The following CDH13 variants were observed in gnomAD, a reference collection of about 807,000 sequenced individuals.
CDH13 encodes the protein cadherin 13.
In CDH13, 24 loss-of-function variants were observed where a neutral mutation model predicts 63.8. The ratio of observed to expected loss-of-function variants is 0.38; its 90% CI spans 0.27 to 0.53. CDH13 has a LOEUF of 0.53. Ranked by LOEUF, CDH13 falls within the 20% of genes least tolerant of loss-of-function variation. CDH13 has a pLI of 0.85. For synonymous variants in CDH13, 503 were observed against 355.3 expected (o/e 1.42, Z -4.67); for missense variants, 1,049 against 903.1 (o/e 1.16, Z -2.07).
intron 2 of CDH13, among the ~76,000 whole-genome samples, chr16:83,006,597 G>C (rs544491613): frequency 6.6e-6 from 1 of 152,190 alleles, no homozygotes; most frequent in South Asian, 2.1e-4. Flanking sequence ...CCCAATGAGG[G>C]TTATTCACTT....
intron 2 of CDH13, among the ~76,000 whole-genome samples, chr16:82,874,919 A>G (rs556025775): frequency 6.6e-6 from 1 of 152,298 alleles, no homozygotes; most frequent in African/African-American, 2.4e-5. Context: ...CCAGATGGAT[A>G]CTCATGGGGA....
intron 2 of CDH13, among the ~76,000 whole-genome samples, chr16:82,968,486 C>A (rs1164716604): frequency 1.3e-5 from 2 of 152,198 alleles, no homozygotes; most frequent in Non-Finnish European, 2.9e-5. Flanking sequence ...ACTCATGGCC[C>A]TGCCAGCGGC....
At position 83,200,921 on chromosome 16, in the gene CDH13, A is replaced by ATGTGTGTGTGTG. The variant is rs374017580; in HGVS notation, c.484-16384_484-16373dup. Among the ~76,000 whole-genome samples, 306 of 129,732 alleles carry ATGTGTGTGTGTG rather than the reference A, an allele frequency of 2.4e-3. 2 individuals are homozygous for ATGTGTGTGTGTG. Among genetic ancestry groups the ATGTGTGTGTGTG allele is most frequent in the Middle Eastern group, 4.1e-3 (1 of 242 alleles). The allele number at this position is 129,732 out of a possible 152,430, so 85.1% of individuals were successfully genotyped here. A position where few individuals can be genotyped will look rare whatever the true frequency, so the allele number is the denominator to read the frequency against. On this transcript the variant is annotated intron_variant, in intron 4 of 13. Coordinates refer to ENST00000567109, the MANE Select transcript of CDH13 (RefSeq NM_001257.5). ...GGAGCAAGATTCTCTAGTCTTAAAAATGTGTGTGTGTGTGTGTGTGTGTGT... is the reference window on the plus strand; with the variant it reads ...GGAGCAAGATTCTCTAGTCTTAAAAATGTGTGTGTGTGTGTGTGTGTGTGTGTGTGTGTGTGT...
At chr16:82,995,317 T>G (rs985438757) in intron 2 of CDH13, among the ~76,000 whole-genome samples, 1 of 152,224 alleles carries the variant, frequency 6.6e-6, no homozygotes, top group African/African-American at 2.4e-5. Context: ...CCAGCCACCT[T>G]GCATCTAGGT....
Position 83,216,251 on chromosome 16 carries a change from A to G in CDH13, c.484-1094A>G, listed in dbSNP as rs562214460. 4.9e-4 allele frequency among the ~76,000 whole-genome samples: 74 copies of G among 151,200 alleles called. 1 individual carries two copies. The South Asian group carries it at 0.015, about 31-fold the overall frequency. The stretch of plus-strand genomic sequence containing the variant: ...ACGACAGTGTTGTATGTTGTATTGC[A>G]GTGTCTCTAGAGAATGGAAGATGTG... On this transcript the variant is annotated intron_variant, in intron 4 of 13. Transcript: ENST00000567109.
chr16:82,738,291 A>G (rs901741333), intron 1 of CDH13, among the ~76,000 whole-genome samples: 3 of 152,236 alleles, frequency 2.0e-5, no homozygotes, highest in Admixed American at 2.0e-4. Context: ...ATTCTAAAAC[A>G]GAAGTTGGCT....
intron 3 of CDH13, among the ~76,000 whole-genome samples, chr16:83,059,559 A>G (rs1045994176): frequency 6.6e-6 from 1 of 152,086 alleles, no homozygotes; most frequent in African/African-American, 2.4e-5. Context: ...AACTCTTCGG[A>G]GATTCCATCA....
intron 3 of CDH13, among the ~76,000 whole-genome samples, chr16:83,097,962 A>C (rs927111747): frequency 5.9e-5 from 9 of 152,162 alleles, no homozygotes; most frequent in Non-Finnish European, 1.5e-5. Flanking sequence ...TTGAAAAAAA[A>C]AATTTTATAA....
chr16:83,033,423 T>G (rs1916559251), intron 3 of CDH13, among the ~76,000 whole-genome samples: 1 of 152,206 alleles, frequency 6.6e-6, no homozygotes, highest in African/African-American at 2.4e-5. Flanking sequence ...TTGTTTTGTT[T>G]CCCAATGACT....
At chr16:82,899,054 C>A (rs1288171725) in intron 2 of CDH13, among the ~76,000 whole-genome samples, 1 of 152,146 alleles carries the variant, frequency 6.6e-6, no homozygotes. Context: ...GATGACAAGT[C>A]CTTTTTGAAG....
intron 4 of CDH13, among the ~76,000 whole-genome samples, chr16:83,140,354 C>T (rs1211857419): frequency 6.6e-6 from 1 of 152,218 alleles, no homozygotes; most frequent in East Asian, 1.9e-4. Context: ...TATGGCAGAC[C>T]ATTGCTATGG....
intron 3 of CDH13, among the ~76,000 whole-genome samples, chr16:83,070,814 T>A (rs557278974): frequency 6.7e-6 from 1 of 150,050 alleles, no homozygotes; most frequent in African/African-American, 2.4e-5. Context: ...AGCAATAGTA[T>A]ATAAATCAGG....
chr16:83,350,983 G>A (rs1005625995), intron 6 of CDH13, among the ~76,000 whole-genome samples: 1 of 152,164 alleles, frequency 6.6e-6, no homozygotes, highest in African/African-American at 2.4e-5. Flanking sequence ...AGCTTTGCTT[G>A]GAAGTTGCTA....
intron 1 of CDH13, among the ~76,000 whole-genome samples, chr16:82,834,052 G>C (rs765336723): frequency 2.0e-5 from 3 of 152,084 alleles, no homozygotes; most frequent in Non-Finnish European, 4.4e-5. Flanking sequence ...TCAATTCAGC[G>C]CTAGCCAGCT....
chr16:82,661,924 T>G (rs1911995645), intron 1 of CDH13, among the ~76,000 whole-genome samples: 1 of 152,248 alleles, frequency 6.6e-6, no homozygotes, highest in Non-Finnish European at 1.5e-5. Context: ...TGTGACTGTT[T>G]ACATTTCATT....
intron 4 of CDH13, among the ~76,000 whole-genome samples, chr16:83,133,107 G>A (rs1252453364): frequency 1.3e-5 from 2 of 152,172 alleles, no homozygotes; most frequent in African/African-American, 2.4e-5. Flanking sequence ...CAGTTATAAA[G>A]TCTTTACTAA....
chr16:83,494,045 A>C (rs1482118107), intron 7 of CDH13, among the ~76,000 whole-genome samples: 1 of 152,238 alleles, frequency 6.6e-6, no homozygotes, highest in East Asian at 1.9e-4. Flanking sequence ...ATCAGTAGTT[A>C]CTGGGCACAT....
chr16:83,764,456 A>G (rs1426399027), intron 11 of CDH13, among the ~76,000 whole-genome samples: 1 of 152,258 alleles, frequency 6.6e-6, no homozygotes, highest in Non-Finnish European at 1.5e-5. Flanking sequence ...TGATTTTGAC[A>G]TTAAAATACT....
chr16:82,856,791 A>T (rs2039721181), intron 1 of CDH13, among the ~76,000 whole-genome samples: 1 of 151,948 alleles, frequency 6.6e-6, no homozygotes. Context: ...CAGGGAAGAG[A>T]AGGCAGGTAA....
Sources: allele counts gnomAD v4.1 joint callset (sites outside exome capture counted in the v4.1 genomes callset), GRCh38; gene constraint gnomAD v4.1.1; transcripts MANE v1.5; gene names NCBI Gene and HGNC (gene_info 2026-07-23, HGNC 2026-07-21).